ADARB2: variants seen among roughly 807,000 people sequenced by gnomAD.
The protein encoded by ADARB2 is adenosine deaminase RNA specific B2 (inactive), also known as inactive double-stranded RNA-specific editase B2.
A neutral mutation model predicts 62.2 loss-of-function variants in ADARB2; 25 were observed. That is an observed-to-expected ratio of 0.40 (90% confidence interval 0.29 to 0.56). The LOEUF (loss-of-function observed/expected upper bound fraction) is 0.56, where lower values mean the gene tolerates loss of function less well. ADARB2 is among the 20% of genes least tolerant of loss of function. The pLI is 0.43. For missense variants in ADARB2, 1,071 were observed against 1,077.4 expected, an observed-to-expected ratio of 0.99 and a Z score of 0.08; for synonymous variants, 572 against 500.8, an observed-to-expected ratio of 1.14 and a Z score of -1.90.
At chr10:1,495,145 T>C (rs1346575750) in intron 1 of ADARB2, among the ~76,000 whole-genome samples, 1 of 152,222 alleles carries the variant, frequency 6.6e-6, no homozygotes, top group Non-Finnish European at 1.5e-5. Context: ...CTTTTTATCA[T>C]AATTAGTAGA....
chr10:1,647,729 C>T (rs1564357475), intron 1 of ADARB2, among the ~76,000 whole-genome samples: 2 of 150,764 alleles, frequency 1.3e-5, no homozygotes, highest in African/African-American at 2.4e-5. Context: ...TATGTGCATG[C>T]ATATGTGTAT....
At chr10:1,450,550 C>T (rs1049441289) in intron 1 of ADARB2, among the ~76,000 whole-genome samples, 5 of 152,228 alleles carry the variant, frequency 3.3e-5, no homozygotes, top group East Asian at 1.9e-4. Context: ...TCACATCTAC[C>T]GTTTGCTGGC....
rs186373643 is a variant in ADARB2 at position 1,645,717 on chromosome 10, A to G, written c.100+91334T>C. On this transcript the variant is annotated intron_variant, in intron 1 of 9. Transcript: ENST00000381312. ...CTTGACTGCCTCCCACCTCCCTGCCATCTACACCTCATCTCCATCACGAAA... is the reference window on the plus strand; with the variant it reads ...CTTGACTGCCTCCCACCTCCCTGCCGTCTACACCTCATCTCCATCACGAAA... 7.9e-5 allele frequency among the ~76,000 whole-genome samples: 12 copies of G among 152,118 alleles called. No homozygotes were observed. The East Asian group carries it at 1.2e-3, about 15-fold the overall frequency.
At chr10:1,183,396 A>G (rs755662517) in intron 9 of ADARB2, 27 bp from the exon 10 acceptor site, 11 of 1,597,360 alleles carry the variant, frequency 6.9e-6, no homozygotes, top group South Asian at 4.4e-5. Flanking sequence ...GAAAGAGCCA[A>G]TCAGACACCA....
chr10:1,373,800 T>C (rs1251386030), intron 2 of ADARB2, among the ~76,000 whole-genome samples: 1 of 82,838 alleles, frequency 1.2e-5, no homozygotes, highest in Admixed American at 1.2e-4. Context: ...CCGCGCACCT[T>C]TCCTAGTGAG....
At chr10:1,241,258 CA>C (rs968140357) in intron 5 of ADARB2, among the ~76,000 whole-genome samples, 2 of 150,004 alleles carry the variant, frequency 1.3e-5, no homozygotes, top group African/African-American at 4.9e-5. Context: ...GACTCCATCT[CA>C]AAAAAAAAGA....
chr10:1,511,196 G>A (rs1320797675), intron 1 of ADARB2, among the ~76,000 whole-genome samples: 1 of 152,128 alleles, frequency 6.6e-6, no homozygotes, highest in East Asian at 1.9e-4. Context: ...GGGGTGGGTG[G>A]GCGTATCGGG....
Position 1,547,183 on chromosome 10 carries a change from G to A in ADARB2, c.101-168023C>T, listed in dbSNP as rs550324046. On this transcript the variant is annotated intron_variant, in intron 1 of 9. Transcript: ENST00000381312. ...TTGGGGAAACTGGGAGAGATGCTGC[G>A]CAGGTGTATACACTGTGGGGAGGGG... Among the ~76,000 whole-genome samples the A allele has an allele frequency of 7.2e-5, 11 of 152,094 alleles. No homozygotes were observed. The East Asian group carries it at 9.7e-4, about 13-fold the overall frequency.
chr10:1,651,192 G>T (rs1012881084), intron 1 of ADARB2, among the ~76,000 whole-genome samples: 9 of 152,232 alleles, frequency 5.9e-5, no homozygotes, highest in African/African-American at 2.2e-4. Context: ...GCGTCCTCCA[G>T]ATGGGCCCAA....
intron 1 of ADARB2, among the ~76,000 whole-genome samples, chr10:1,665,443 G>C (rs1834304376): frequency 6.6e-6 from 1 of 152,230 alleles, no homozygotes; most frequent in Non-Finnish European, 1.5e-5. Context: ...TGCCAATGCA[G>C]GAGCACTGGG....
intron 1 of ADARB2, among the ~76,000 whole-genome samples, chr10:1,639,353 A>G (rs1435834266): frequency 6.6e-6 from 1 of 152,226 alleles, no homozygotes; most frequent in Non-Finnish European, 1.5e-5. Context: ...AAGTCCCCAG[A>G]GCCTTCAGGA....
At chr10:1,227,752 C>T (rs1312759335) in intron 6 of ADARB2, among the ~76,000 whole-genome samples, 1 of 152,140 alleles carries the variant, frequency 6.6e-6, no homozygotes, top group Non-Finnish European at 1.5e-5. Flanking sequence ...TGAAACAAAC[C>T]ACAGGCATGA....
At chr10:1,221,553 G>C (rs1830695405) in intron 6 of ADARB2, among the ~76,000 whole-genome samples, 1 of 151,886 alleles carries the variant, frequency 6.6e-6, no homozygotes, top group South Asian at 2.1e-4. Flanking sequence ...ATCTCCTAAT[G>C]CTATCCCTCC....
At chr10:1,727,012 T>C (rs1056074932) in intron 1 of ADARB2, among the ~76,000 whole-genome samples, 2 of 152,192 alleles carry the variant, frequency 1.3e-5, no homozygotes, top group African/African-American at 4.8e-5. Context: ...ATCTCTACCA[T>C]GTAGCACAGT....
At chr10:1,727,983 G>A (rs868821491) in intron 1 of ADARB2, among the ~76,000 whole-genome samples, 1 of 152,196 alleles carries the variant, frequency 6.6e-6, no homozygotes, top group Non-Finnish European at 1.5e-5. Flanking sequence ...TGGATAGCAC[G>A]CACCATACTT....
At chr10:1,441,869 T>C (rs961049445) in intron 1 of ADARB2, among the ~76,000 whole-genome samples, 5 of 152,212 alleles carry the variant, frequency 3.3e-5, no homozygotes, top group African/African-American at 1.2e-4. Flanking sequence ...TATTCTGAAT[T>C]CTCTCCTTAT....
intron 2 of ADARB2, among the ~76,000 whole-genome samples, chr10:1,364,835 T>C (rs930249831): frequency 2.0e-5 from 3 of 151,736 alleles, no homozygotes; most frequent in Non-Finnish European, 4.4e-5. Context: ...TCCCACACCA[T>C]GCGCTCACCT....
rs1292478701 is a variant in ADARB2 at position 1,255,189 on chromosome 10, A to ATG, written c.1193-12892_1193-12891dup. Among the ~76,000 whole-genome samples, 9 of 152,222 alleles carry ATG rather than the reference A, an allele frequency of 5.9e-5. No homozygotes were observed. Among genetic ancestry groups the ATG allele is most frequent in the African/African-American group, 2.2e-4 (9 of 41,456 alleles). On this transcript the variant is annotated intron_variant, in intron 4 of 9. Transcript: ENST00000381312. The surrounding 1 kb of genome is among the most constrained non-coding windows in gnomAD (Gnocchi z 4.7). ...CATGAGGGAGTGCTTGGATCCAGGA[A>ATG]TGTCAGAAATGAATAACTCTGCTGT...
In ADARB2 at chr10:1,293,371, GGAGA is replaced by G. The variant is rs535294547; in HGVS notation, c.1078-22306_1078-22303del. Among the ~76,000 whole-genome samples the G allele has an allele frequency of 3.5e-4, 52 of 150,344 alleles. No individual in the cohort carries two copies. In the South Asian group the frequency reaches 0.011, roughly 32 times the overall value. On this transcript the variant is annotated intron_variant, in intron 3 of 9. Transcript: ENST00000381312. The stretch of plus-strand genomic sequence containing the variant: ...AAAGAGAAGGGAGGGAGGAAGGGAA[GGAGA>G]GAGAGATTTCAAAGCAGTTTTACTC...
Sources: gnomAD v4.1 joint callset for allele counts (sites outside exome capture counted in the v4.1 genomes callset) on GRCh38, gnomAD v4.1.1 for gene constraint, Gnocchi (gnomAD v3.1) non-coding constraint, MANE v1.5 for transcripts, NCBI Gene and HGNC (gene_info 2026-07-23, HGNC 2026-07-21) for gene names.